FSAF1: variants seen among roughly 807,000 people sequenced by gnomAD.
The protein encoded by FSAF1 is 40S small subunit processome assembly factor 1.
the FSAF1 span, among the ~76,000 whole-genome samples, chr1:231,227,585 GT>G: frequency 0.013 from 1,360 of 102,076 alleles, 7 homozygotes; most frequent in Middle Eastern, 0.048. Context: ...CTCGCCCACG[GT>G]TTTTTTTTTT....
At chr1:231,235,759 C>T in the FSAF1 span, among the ~76,000 whole-genome samples, 2 of 152,140 alleles carry the variant, frequency 1.3e-5, no homozygotes, top group East Asian at 3.9e-4. Flanking sequence ...GCTATGATCA[C>T]ACCACTGCAT....
the FSAF1 span, among the ~76,000 whole-genome samples, chr1:231,231,217 C>T: frequency 2.0e-5 from 3 of 152,336 alleles, no homozygotes; most frequent in South Asian, 6.2e-4. Flanking sequence ...TGCGCCACTT[C>T]CATTTTATCC....
the FSAF1 span, chr1:231,226,837 G>A: frequency 6.3e-7 from 1 of 1,598,354 alleles, no homozygotes; most frequent in East Asian, 2.2e-5. Context: ...TGTAATGAAA[G>A]AACAAAGAAA....
the FSAF1 span, chr1:231,225,614 G>T: frequency 8.9e-7 from 1 of 1,124,104 alleles, no homozygotes; most frequent in Non-Finnish European, 1.4e-6. Context: ...AAGTCATTGA[G>T]ATACCATTTT....
chr1:231,225,871 A>T, the FSAF1 span: 3 of 284,018 alleles, frequency 1.1e-5, no homozygotes, highest in Non-Finnish European at 2.1e-5. Flanking sequence ...TCCAGGTAAG[A>T]CTAATAGTCT....
chr1:231,234,030 T>C, the FSAF1 span, among the ~76,000 whole-genome samples: 1 of 152,138 alleles, frequency 6.6e-6, no homozygotes, highest in Non-Finnish European at 1.5e-5. This position sits in a 1 kb window ranked among gnomAD's most constrained non-coding sequence, Gnocchi z 4.0. Context: ...CTCTTGTAAG[T>C]CTCAAGCTTC....
the FSAF1 span, chr1:231,241,016 G>A: frequency 1.9e-6 from 3 of 1,610,380 alleles, no homozygotes; most frequent in South Asian, 2.2e-5. Flanking sequence ...CTGGGACCCC[G>A]CACTCACCAA....
the FSAF1 span, chr1:231,225,009 CAA>C: frequency 5.9e-6 from 1 of 170,362 alleles, no homozygotes; most frequent in African/African-American, 2.4e-5. Context: ...CAGGCTAAGA[CAA>C]AAAGAGTCCA....
the FSAF1 span, among the ~76,000 whole-genome samples, chr1:231,227,322 A>C: frequency 6.6e-6 from 1 of 152,064 alleles, no homozygotes; most frequent in African/African-American, 2.4e-5. Context: ...GATGGAGTAC[A>C]GTTAAAAAGA....
the FSAF1 span, among the ~76,000 whole-genome samples, chr1:231,233,648 G>A: frequency 1.3e-5 from 2 of 152,126 alleles, no homozygotes; most frequent in African/African-American, 4.8e-5. Flanking sequence ...CGCCTACCGG[G>A]TTCAAGCGAT....
the FSAF1 span, among the ~76,000 whole-genome samples, chr1:231,236,017 G>A: frequency 2.0e-5 from 3 of 152,140 alleles, no homozygotes; most frequent in East Asian, 5.8e-4. Context: ...ATGACCAGCT[G>A]ATGCTATGAT....
the FSAF1 span, among the ~76,000 whole-genome samples, chr1:231,227,353 C>G: frequency 1.3e-5 from 2 of 152,158 alleles, no homozygotes; most frequent in Non-Finnish European, 2.9e-5. Context: ...TGTCTCACTG[C>G]AGCCTTGACC....
chr1:231,237,479 A>C, the FSAF1 span: 1 of 152,250 alleles, frequency 6.6e-6, no homozygotes, highest in Non-Finnish European at 1.5e-5. Flanking sequence ...GGGTGGGCCT[A>C]AAGCAAAGAG....
the FSAF1 span, chr1:231,241,132 C>G: frequency 1.2e-6 from 2 of 1,612,038 alleles, no homozygotes; most frequent in Non-Finnish European, 1.7e-6. Context: ...GCCGAGGAAT[C>G]AACCCTCATT....
chr1:231,237,232 A>G, the FSAF1 span: 1 of 152,252 alleles, frequency 6.6e-6, no homozygotes, highest in African/African-American at 2.4e-5. Flanking sequence ...TGAATTTTAG[A>G]AAAGATTATA....
At chr1:231,231,188 T>C in the FSAF1 span, among the ~76,000 whole-genome samples, 7 of 152,222 alleles carry the variant, frequency 4.6e-5, no homozygotes, top group African/African-American at 1.2e-4. Context: ...ACCACAGGCA[T>C]AGCACGGAGG....
the FSAF1 span, chr1:231,226,751 T>C: frequency 6.2e-7 from 1 of 1,605,678 alleles, no homozygotes; most frequent in East Asian, 2.2e-5. Flanking sequence ...GTCTCTTTTC[T>C]TCTTCCTTTG....
At chr1:231,239,525 G>A in the FSAF1 span, among the ~76,000 whole-genome samples, 2 of 152,210 alleles carry the variant, frequency 1.3e-5, no homozygotes, top group Admixed American at 1.3e-4. Flanking sequence ...AGGCACTGCA[G>A]CCACTGTTTC....
chr1:231,236,629 T>C, the FSAF1 span: 3 of 152,118 alleles, frequency 2.0e-5, no homozygotes, highest in African/African-American at 4.8e-5. Context: ...AAACTTTCCA[T>C]TCCAGAAAAA....
Sources: allele counts gnomAD v4.1 joint callset (sites outside exome capture counted in the v4.1 genomes callset), GRCh38; gene constraint gnomAD v4.1.1; non-coding constraint Gnocchi (gnomAD v3.1); transcripts MANE v1.5; gene names NCBI Gene and HGNC (gene_info 2026-07-23, HGNC 2026-07-21).